The following MAPRE2 variants were observed in gnomAD, a reference collection of about 807,000 sequenced individuals.
MAPRE2 encodes the protein microtubule associated protein RP/EB family member 2, also known as microtubule-associated protein RP/EB family member 2.
MAPRE2 carries 13 observed loss-of-function variants against 43.2 expected under a neutral mutation model. That is an observed-to-expected ratio of 0.30 (90% CI 0.20 to 0.48). The LOEUF (loss-of-function observed/expected upper bound fraction) is 0.48, where lower values mean the gene tolerates loss of function less well. Among genes scored for constraint, MAPRE2 ranks in the 20% least tolerant of loss-of-function variants. The probability of loss-of-function intolerance (pLI) is 0.99; values close to 1 mark genes in which losing one functional copy is unlikely to be tolerated. For missense variants in MAPRE2, 161 were observed against 400.2 expected (o/e 0.40, Z 5.10); for synonymous variants, 135 against 148.8 (o/e 0.91, Z 0.68).
chr18:35,112,705 C>T (rs1006194517), intron 4 of MAPRE2, among the ~76,000 whole-genome samples: 3 of 152,222 alleles, frequency 2.0e-5, no homozygotes, highest in South Asian at 4.2e-4. Context: ...TTTTTTTCTT[C>T]TGATTACATG....
intron 2 of MAPRE2, among the ~76,000 whole-genome samples, chr18:35,027,016 T>C (rs1257573683): frequency 1.3e-5 from 2 of 152,214 alleles, no homozygotes; most frequent in South Asian, 2.1e-4. Flanking sequence ...TTCTCTGCCA[T>C]GGGCTTACAA....
chr18:35,090,777 G>A (rs1398671891), intron 2 of MAPRE2, among the ~76,000 whole-genome samples: 7 of 151,054 alleles, frequency 4.6e-5, no homozygotes, highest in Admixed American at 2.0e-4. Context: ...ATAGGAGGAA[G>A]TCAAATTGTT....
At chr18:35,100,238 A>C (rs893712374) in intron 3 of MAPRE2, among the ~76,000 whole-genome samples, 4 of 152,242 alleles carry the variant, frequency 2.6e-5, no homozygotes, top group African/African-American at 9.6e-5. Flanking sequence ...TAATTCACAT[A>C]GCTAGATACC....
chr18:35,087,091 G>A (rs1262439170), intron 2 of MAPRE2, among the ~76,000 whole-genome samples: 1 of 152,078 alleles, frequency 6.6e-6, no homozygotes, highest in Non-Finnish European at 1.5e-5. Context: ...AATCCTTTGA[G>A]TATGAATGTT....
intron 2 of MAPRE2, among the ~76,000 whole-genome samples, chr18:35,014,574 G>T (rs1027490563): frequency 6.6e-6 from 1 of 152,066 alleles, no homozygotes; most frequent in Non-Finnish European, 1.5e-5. Context: ...AGAGCCAAAT[G>T]ACTGGGTTAA....
chr18:35,133,466 T>C (rs1004316879), intron 6 of MAPRE2, among the ~76,000 whole-genome samples: 2 of 152,156 alleles, frequency 1.3e-5, no homozygotes, highest in African/African-American at 2.4e-5. Context: ...ACGTCCTGTG[T>C]GTACAGAGTG....
chr18:35,105,078 C>T (rs916074954), intron 4 of MAPRE2, among the ~76,000 whole-genome samples: 5 of 151,960 alleles, frequency 3.3e-5, no homozygotes, highest in African/African-American at 1.2e-4. Context: ...ACCTTGGCCT[C>T]GTTTTCTAGG....
At chr18:35,096,236 G>A (rs1603400584) in intron 2 of MAPRE2, among the ~76,000 whole-genome samples, 1 of 152,268 alleles carries the variant, frequency 6.6e-6, no homozygotes, top group South Asian at 2.1e-4. Context: ...GGCACTTCAT[G>A]TTCCAGAAAG....
intron 2 of MAPRE2, among the ~76,000 whole-genome samples, chr18:35,082,452 A>G (rs2144130922): frequency 6.6e-6 from 1 of 152,316 alleles, no homozygotes; most frequent in East Asian, 1.9e-4. Flanking sequence ...ATCTAGCTGC[A>G]TTCCACCTTT....
intron 2 of MAPRE2, among the ~76,000 whole-genome samples, chr18:35,071,296 G>A (rs1181475382): frequency 1.5e-5 from 2 of 134,526 alleles, no homozygotes; most frequent in African/African-American, 3.3e-5. Flanking sequence ...TGGGAGGATC[G>A]CTTGAGCCCA....
chr18:35,049,639 G>T (rs1905832605), intron 1 of MAPRE2, among the ~76,000 whole-genome samples: 1 of 152,166 alleles, frequency 6.6e-6, no homozygotes, highest in Admixed American at 6.5e-5. Context: ...TGACCCCAGA[G>T]TATACACAGG....
chr18:35,037,123 C>T (rs1345938796), upstream of MAPRE2, among the ~76,000 whole-genome samples: 1 of 151,610 alleles, frequency 6.6e-6, no homozygotes, highest in Non-Finnish European at 1.5e-5. Context: ...TACCCTTGCT[C>T]ACCTACAACA....
chr18:35,102,517 A>G (rs1218128784), intron 4 of MAPRE2, among the ~76,000 whole-genome samples: 1 of 152,184 alleles, frequency 6.6e-6, no homozygotes. Flanking sequence ...AATTGCTGGC[A>G]GTACAGACCA....
At chr18:34,979,834 G>C (rs1274888147) in intron 1 of MAPRE2, among the ~76,000 whole-genome samples, 1 of 151,912 alleles carries the variant, frequency 6.6e-6, no homozygotes, top group East Asian at 1.9e-4. Context: ...ATTACTCCAG[G>C]ATAACCTGTT....
chr18:35,115,695 A>G (rs983443615), intron 4 of MAPRE2, among the ~76,000 whole-genome samples: 3 of 152,172 alleles, frequency 2.0e-5, no homozygotes, highest in African/African-American at 7.2e-5. Context: ...TGCAAAATAT[A>G]TTATTTCATT....
chr18:35,141,313 A>T lies in MAPRE2; in HGVS notation c.*944A>T, dbSNP rs1320898460. The T allele has an allele frequency of 6.6e-6, 1 of 152,242 alleles. No individual in the cohort carries two copies. The highest frequency in any genetic ancestry group is 1.9e-4 in the East Asian group (1 of 5,192). 9.4% of individuals were successfully genotyped at this position (152,242 alleles called of 1,614,324 possible). ...CTCTAGGGGACCCCTACTAAAGGGT[A>T]ACTTCAGGTGTGCAGCCCTGAGCTC... On this transcript the variant is annotated 3_prime_UTR_variant, in exon 7 of 7. Coordinates refer to ENST00000300249, the MANE Select transcript of MAPRE2 (RefSeq NM_014268.4).
intron 1 of MAPRE2, chr18:34,988,905 ACTCT>A (rs1034199014): frequency 2.6e-5 from 4 of 151,764 alleles, no homozygotes; most frequent in Non-Finnish European, 4.4e-5. Flanking sequence ...TCTTGCCTGC[ACTCT>A]CTCTCAGGAA....
intron 1 of MAPRE2, among the ~76,000 whole-genome samples, chr18:35,049,807 G>C (rs1361894682): frequency 6.6e-6 from 1 of 152,214 alleles, no homozygotes; most frequent in South Asian, 2.1e-4. Flanking sequence ...GAAATGTAGC[G>C]TGTAAGTAAA....
intron 2 of MAPRE2, among the ~76,000 whole-genome samples, chr18:35,011,490 G>A (rs974797083): frequency 6.6e-6 from 1 of 152,208 alleles, no homozygotes; most frequent in East Asian, 1.9e-4. Context: ...ATCAGGAAGG[G>A]CCTTGCCAGG....
Sources: gnomAD v4.1 joint callset for allele counts (sites outside exome capture counted in the v4.1 genomes callset) on GRCh38, gnomAD v4.1.1 for gene constraint, MANE v1.5 for transcripts, NCBI Gene and HGNC (gene_info 2026-07-23, HGNC 2026-07-21) for gene names.